CA10: variants seen among roughly 807,000 people sequenced by gnomAD.
CA10 encodes carbonic anhydrase-related protein 10.
A neutral mutation model predicts 44.2 loss-of-function variants in CA10; 14 were observed. The ratio of observed to expected loss-of-function variants is 0.32; its 90% CI spans 0.21 to 0.50. The LOEUF (loss-of-function observed/expected upper bound fraction) is 0.50, where lower values mean the gene tolerates loss of function less well. Ranked by LOEUF, CA10 falls within the 20% of genes least tolerant of loss-of-function variation. The pLI, the probability that CA10 is intolerant of heterozygous loss-of-function variation, is 0.99. For synonymous variants in CA10, 159 were observed against 141.6 expected (o/e 1.12, Z -0.87); for missense variants, 350 against 409.7 (o/e 0.85, Z 1.26).
intron 1 of CA10, among the ~76,000 whole-genome samples, chr17:52,124,132 G>GTATT (rs1358047575): frequency 2.6e-5 from 4 of 152,144 alleles, no homozygotes; most frequent in African/African-American, 9.7e-5. Context: ...GCTCCATCCT[G>GTATT]TATTTCCTGC....
chr17:51,925,780 A>T (rs1468522705), intron 3 of CA10, among the ~76,000 whole-genome samples: 3 of 152,200 alleles, frequency 2.0e-5, no homozygotes, highest in Admixed American at 2.0e-4. Flanking sequence ...ATTTTGATAC[A>T]TGCTCCAACA....
At chr17:51,928,605 T>C (rs1332527733) in intron 3 of CA10, among the ~76,000 whole-genome samples, 1 of 152,044 alleles carries the variant, frequency 6.6e-6, no homozygotes, top group Non-Finnish European at 1.5e-5. Flanking sequence ...ACAAAACATG[T>C]AGTTACTAGG....
chr17:51,871,928 T>C (rs760297743), intron 3 of CA10, among the ~76,000 whole-genome samples: 26 of 152,272 alleles, frequency 1.7e-4, no homozygotes, highest in African/African-American at 5.5e-4. Flanking sequence ...GAATGAAACA[T>C]GTACCTTAAA....
chr17:51,849,227 G>GTATATATATATATACATATA (rs1978665195), intron 3 of CA10, among the ~76,000 whole-genome samples: 53 of 25,380 alleles, frequency 2.1e-3, no homozygotes, highest in African/African-American at 3.6e-3. Context: ...ATACATATAT[G>GTATATATATATATACATATA]TGTGTGTATA....
chr17:51,979,330 AT>A, intron 2 of CA10, among the ~76,000 whole-genome samples: 2 of 152,232 alleles, frequency 1.3e-5, no homozygotes, highest in Admixed American at 1.3e-4. Context: ...ACATCTTAAT[AT>A]TTTTTAAACT....
At chr17:51,934,919 T>A (rs1982804862) in intron 2 of CA10, among the ~76,000 whole-genome samples, 1 of 152,110 alleles carries the variant, frequency 6.6e-6, no homozygotes, top group African/African-American at 2.4e-5. Flanking sequence ...AGGGAAATGG[T>A]TTAGGACGAA....
chr17:52,094,365 T>A (rs929280298), intron 1 of CA10, among the ~76,000 whole-genome samples: 1 of 148,994 alleles, frequency 6.7e-6, no homozygotes, highest in African/African-American at 2.5e-5. Context: ...CACTAAACAA[T>A]AAAGTTTCTA....
intron 1 of CA10, among the ~76,000 whole-genome samples, chr17:52,099,747 C>T (rs1450041424): frequency 6.6e-6 from 1 of 152,168 alleles, no homozygotes; most frequent in Admixed American, 6.5e-5. Flanking sequence ...ACAGATTGAT[C>T]AGAGGAGGAA....
At chr17:52,093,908 T>C (rs1988334331) in intron 1 of CA10, among the ~76,000 whole-genome samples, 1 of 152,182 alleles carries the variant, frequency 6.6e-6, no homozygotes, top group Non-Finnish European at 1.5e-5. Flanking sequence ...TCAGGGTCAT[T>C]CATCTGGTAA....
chr17:51,838,826 C>A (rs1448861506), intron 3 of CA10, among the ~76,000 whole-genome samples: 2 of 152,218 alleles, frequency 1.3e-5, no homozygotes, highest in Non-Finnish European at 2.9e-5. Flanking sequence ...CCTGCTCCTG[C>A]CCTTCTCATC....
intron 1 of CA10, among the ~76,000 whole-genome samples, chr17:52,092,581 G>A (rs1014905534): frequency 2.0e-5 from 3 of 152,120 alleles, no homozygotes; most frequent in African/African-American, 7.2e-5. Flanking sequence ...CATGGCCTAA[G>A]ATGCAAACTG....
intron 1 of CA10, among the ~76,000 whole-genome samples, chr17:52,073,456 GC>G (rs1270794442): frequency 8.5e-5 from 13 of 152,252 alleles, no homozygotes; most frequent in South Asian, 4.1e-4. Context: ...GATATTAAGA[GC>G]CCTGAGGCTT....
intron 2 of CA10, among the ~76,000 whole-genome samples, chr17:51,974,186 C>T (rs1028332689): frequency 4.6e-5 from 7 of 152,022 alleles, no homozygotes; most frequent in Admixed American, 1.3e-4. Context: ...GAGATCGAGA[C>T]CATCCTGGCC....
At chr17:52,068,803 TCTC>T (rs765022338) in intron 2 of CA10, among the ~76,000 whole-genome samples, 5 of 152,226 alleles carry the variant, frequency 3.3e-5, no homozygotes, top group Non-Finnish European at 7.3e-5. Context: ...TCAGAAGGCT[TCTC>T]CTTACATGGC....
intron 3 of CA10, among the ~76,000 whole-genome samples, chr17:51,770,362 A>C (rs1171830787): frequency 6.6e-6 from 1 of 152,030 alleles, no homozygotes; most frequent in Non-Finnish European, 1.5e-5. Context: ...ATGGAGAAAC[A>C]AAGAACCCCT....
chr17:52,122,349 T>C (rs1162495751), intron 1 of CA10, among the ~76,000 whole-genome samples: 2 of 152,240 alleles, frequency 1.3e-5, no homozygotes, highest in South Asian at 2.1e-4. Context: ...AGTACCATAA[T>C]GAGCCATTTT....
At chr17:51,849,231 G>A (rs868320891) in intron 3 of CA10, among the ~76,000 whole-genome samples, 39 of 55,874 alleles carry the variant, frequency 7.0e-4, no homozygotes, top group Admixed American at 2.9e-3. Context: ...ATATATGTGT[G>A]TGTATATATA....
chr17:52,064,220 A>C (rs894021997), intron 2 of CA10, among the ~76,000 whole-genome samples: 1 of 152,202 alleles, frequency 6.6e-6, no homozygotes, highest in African/African-American at 2.4e-5. Context: ...AAGGACCCAC[A>C]TGAGCTTGAC....
At chr17:51,650,565 A>G (rs1240442094) in intron 5 of CA10, among the ~76,000 whole-genome samples, 1 of 152,208 alleles carries the variant, frequency 6.6e-6, no homozygotes, top group Non-Finnish European at 1.5e-5. Context: ...ATCCCTAAAT[A>G]GAAAAAGTCC....
Sources: gnomAD v4.1 joint callset for allele counts (sites outside exome capture counted in the v4.1 genomes callset) on GRCh38, gnomAD v4.1.1 for gene constraint, MANE v1.5 for transcripts, NCBI Gene and HGNC (gene_info 2026-07-23, HGNC 2026-07-21) for gene names.